Variants in ESRRG observed in about 807,000 individuals in gnomAD.
ESRRG encodes estrogen related receptor gamma, also known as estrogen-related receptor gamma.
Under a neutral mutation model 44.0 loss-of-function variants are expected in ESRRG, and 13 were observed. That is an observed-to-expected ratio of 0.30 (90% CI 0.19 to 0.47). ESRRG has a LOEUF of 0.47. ESRRG is among the 20% of genes least tolerant of loss of function. The pLI is 1.00. For synonymous variants in ESRRG, 215 were observed against 214.6 expected (o/e 1.00, Z -0.02); for missense variants, 395 against 580.6 (o/e 0.68, Z 3.29).
chr1:216,740,751 T>C (rs2090577187), intron 2 of ESRRG, among the ~76,000 whole-genome samples: 1 of 152,108 alleles, frequency 6.6e-6, no homozygotes, highest in South Asian at 2.1e-4. Context: ...ACTAAAAAAT[T>C]ATCAAGAACT....
chr1:216,608,697 G>A (rs1356057514), intron 3 of ESRRG, among the ~76,000 whole-genome samples: 2 of 152,210 alleles, frequency 1.3e-5, no homozygotes, highest in African/African-American at 2.4e-5. Context: ...CTTTTCAACC[G>A]GAGGCACTGT....
At chr1:217,078,792 A>G (rs1347745773) in intron 1 of ESRRG, among the ~76,000 whole-genome samples, 4 of 152,190 alleles carry the variant, frequency 2.6e-5, no homozygotes, top group Non-Finnish European at 4.4e-5. Context: ...TTTCCTCAGA[A>G]ATAAACTGAG....
chr1:216,990,013 C>T (rs890822458), intron 1 of ESRRG, among the ~76,000 whole-genome samples: 13 of 152,052 alleles, frequency 8.5e-5, no homozygotes, highest in African/African-American at 2.9e-4. Context: ...TAACAAGGTA[C>T]ATAATGATCT....
intron 1 of ESRRG, among the ~76,000 whole-genome samples, chr1:217,069,115 T>C (rs538763354): frequency 1.3e-5 from 2 of 152,256 alleles, no homozygotes; most frequent in African/African-American, 4.8e-5. Flanking sequence ...GGCTGACCCA[T>C]CCTTAATCTG....
chr1:217,060,079 T>C (rs1432548753), intron 1 of ESRRG, among the ~76,000 whole-genome samples: 1 of 152,008 alleles, frequency 6.6e-6, no homozygotes, highest in Non-Finnish European at 1.5e-5. Flanking sequence ...AAATTCTATC[T>C]CTTGTCCTGG....
intron 2 of ESRRG, chr1:216,864,738 A>C (rs2149133758): frequency 6.6e-6 from 1 of 152,240 alleles, no homozygotes; most frequent in Non-Finnish European, 1.5e-5. Flanking sequence ...GACCAACTTA[A>C]GAAGGAGGCA....
chr1:216,555,964 G>C (rs2057458271), intron 5 of ESRRG, among the ~76,000 whole-genome samples: 2 of 152,132 alleles, frequency 1.3e-5, no homozygotes, highest in African/African-American at 4.8e-5. Context: ...GGGTTGGAGA[G>C]AGGGTCAAAA....
chr1:216,892,347 G>A (rs1020018493), intron 2 of ESRRG, among the ~76,000 whole-genome samples: 7 of 152,076 alleles, frequency 4.6e-5, no homozygotes, highest in African/African-American at 1.7e-4. Context: ...CAGTTTTAAG[G>A]GGAAAGGGCA....
chr1:217,026,140 T>A (rs1318227876), intron 1 of ESRRG, among the ~76,000 whole-genome samples: 1 of 152,152 alleles, frequency 6.6e-6, no homozygotes, highest in East Asian at 1.9e-4. Context: ...CACACAACTT[T>A]CTGCAACTCG....
intron 1 of ESRRG, among the ~76,000 whole-genome samples, chr1:217,004,787 T>C (rs2077507157): frequency 6.6e-6 from 1 of 152,190 alleles, no homozygotes; most frequent in South Asian, 2.1e-4. Flanking sequence ...ATTATATATA[T>C]AGTGCCTGTG....
chr1:216,859,898 C>T (rs1250516726), intron 2 of ESRRG, among the ~76,000 whole-genome samples: 1 of 152,152 alleles, frequency 6.6e-6, no homozygotes, highest in South Asian at 2.1e-4. Flanking sequence ...GAAGCAGGCA[C>T]ATATCATCCA....
chr1:216,978,770 C>T (rs2073414606), intron 1 of ESRRG, among the ~76,000 whole-genome samples: 1 of 152,152 alleles, frequency 6.6e-6, no homozygotes, highest in Non-Finnish European at 1.5e-5. Context: ...GTTTTTTCCA[C>T]ATGTCCACTA....
At chr1:216,818,982 T>C (rs747655599) in intron 2 of ESRRG, among the ~76,000 whole-genome samples, 14 of 152,190 alleles carry the variant, frequency 9.2e-5, no homozygotes, top group Admixed American at 6.5e-5. Flanking sequence ...CCATGGTGTA[T>C]ATATACCACA....
intron 2 of ESRRG, among the ~76,000 whole-genome samples, chr1:216,754,167 C>A (rs2092295548): frequency 6.6e-6 from 1 of 152,026 alleles, no homozygotes; most frequent in Non-Finnish European, 1.5e-5. Flanking sequence ...CCGAAACCTT[C>A]TTCCTTCCAA....
At position 216,772,691 on chromosome 1, in the gene ESRRG, TTTTGTTTG is replaced by T. The variant is rs528160143; in HGVS notation, c.-13-95208_-13-95201del. 5.9e-5 allele frequency among the ~76,000 whole-genome samples: 9 copies of T among 152,114 alleles called. No individual in the cohort carries two copies. The East Asian group carries it at 1.2e-3, about 20-fold the overall frequency. The stretch of plus-strand genomic sequence containing the variant: ...TTAGAAAACAATGGCATAGTGAGTT[TTTTGTTTG>T]TTTGTTTGTTTGTTTGTTTTTCACT... On this transcript the variant is annotated intron_variant, in intron 2 of 7. Transcript: ENST00000359162.
chr1:216,506,477 GA>G lies in ESRRG; in HGVS notation c.*461del. On this transcript the variant is annotated 3_prime_UTR_variant, in exon 7 of 7. Coordinates refer to ENST00000408911, the MANE Select transcript of ESRRG (RefSeq NM_001438.4). ...AGGAAAGGAAAGGGAAAAGGAAAGGGAAAAAGGAAAGAAAGGGAAAGGAAAG... is the reference window on the plus strand; with the variant it reads ...AGGAAAGGAAAGGGAAAAGGAAAGGGAAAAGGAAAGAAAGGGAAAGGAAAG... 5.7e-6 allele frequency: 2 copies of G among 352,434 alleles called. No homozygotes were observed. The highest frequency in any genetic ancestry group is 2.2e-5 in the South Asian group (1 of 44,742). The allele number at this position is 352,434 out of a possible 1,614,324, so 21.8% of individuals were successfully genotyped here. A position where few individuals can be genotyped will look rare whatever the true frequency, so the allele number is the denominator to read the frequency against.
At chr1:217,053,426 GC>G (rs1292659716) in intron 1 of ESRRG, among the ~76,000 whole-genome samples, 1 of 145,200 alleles carries the variant, frequency 6.9e-6, no homozygotes, top group Non-Finnish European at 1.5e-5. Context: ...CTGCACTCCA[GC>G]CTGGGCAACA....
chr1:217,124,780 A>C (rs10495041), intron 1 of ESRRG, among the ~76,000 whole-genome samples: 22,966 of 152,198 alleles, frequency 0.15, 2,279 homozygotes, highest in Non-Finnish European at 0.2. Context: ...GTCCTCATAA[A>C]AGTAGGCAAT....
intron 1 of ESRRG, among the ~76,000 whole-genome samples, chr1:216,702,546 T>A (rs1475439214): frequency 6.7e-6 from 1 of 149,644 alleles, no homozygotes; most frequent in Non-Finnish European, 1.5e-5. Flanking sequence ...GTGGATCACT[T>A]GAGGTCAGGA....
Sources: allele counts gnomAD v4.1 joint callset (sites outside exome capture counted in the v4.1 genomes callset), GRCh38; gene constraint gnomAD v4.1.1; transcripts MANE v1.5; gene names NCBI Gene and HGNC (gene_info 2026-07-23, HGNC 2026-07-21).